The following DHX40 variants were observed in gnomAD, a reference collection of about 807,000 sequenced individuals.
DHX40 encodes the protein probable ATP-dependent RNA helicase DHX40.
In DHX40, 28 loss-of-function variants were observed where a neutral mutation model predicts 89.6. The ratio of observed to expected loss-of-function variants is 0.31; its 90% CI spans 0.23 to 0.43. The LOEUF (loss-of-function observed/expected upper bound fraction) is 0.43, where lower values mean the gene tolerates loss of function less well. Ranked by LOEUF, DHX40 falls within the 20% of genes least tolerant of loss-of-function variation. DHX40 has a pLI of 1.00. For synonymous variants in DHX40, 226 were observed against 283.6 expected (o/e 0.80, Z 2.04); for missense variants, 457 against 844.0 (o/e 0.54, Z 5.68).
At position 59,565,760 on chromosome 17, in the gene DHX40, C is replaced by T. The variant is rs1308890408; in HGVS notation, c.89C>T (p.Ser30Leu). 9 of 1,604,174 alleles carry T rather than the reference C, an allele frequency of 5.6e-6. No homozygotes were observed. Among genetic ancestry groups the T allele is most frequent in the East Asian group, 4.5e-5 (2 of 44,748 alleles). Residue 30 changes from serine to leucine, a missense_variant, in exon 1 of 18, where the codon TCG becomes TTG. By Grantham distance (145) the Ser-to-Leu change is moderately radical. Around this residue, in one of 9 missense-constraint regions of DHX40, gnomAD observed 75 missense variants for 76.8 expected, o/e 0.98. Coordinates refer to ENST00000251241, the MANE Select transcript of DHX40 (RefSeq NM_024612.5). ...RSRDLQEERL[S>L]AVCIADREEK... Reference sequence around the variant, plus strand: ...AGAGACCTCCAGGAAGAGCGGCTCTCGGCTGTTTGCATCGCCGATAGAGGT... The same window carrying T: ...AGAGACCTCCAGGAAGAGCGGCTCTTGGCTGTTTGCATCGCCGATAGAGGT...
Position 59,604,968 on chromosome 17 carries a change from G to A in DHX40, c.1902-147G>A, listed in dbSNP as rs185542643. ...TTTAAGATGAATTGGTAGAGAGCTTGTAGTGACAGTTGAATAAATGTAAAC... is the reference window on the plus strand; with the variant it reads ...TTTAAGATGAATTGGTAGAGAGCTTATAGTGACAGTTGAATAAATGTAAAC... On this transcript the variant is annotated intron_variant, in intron 15 of 17. Coordinates refer to ENST00000251241, the MANE Select transcript of DHX40 (RefSeq NM_024612.5). 1.2e-5 allele frequency: 8 copies of A among 664,624 alleles called. No homozygotes were observed. The Admixed American group carries it at 2.0e-4, about 16-fold the overall frequency. The allele number at this position is 664,624 out of a possible 1,614,324, so 41.2% of individuals were successfully genotyped here.
At chr17:59,594,125 G>A (rs1400698101) in intron 12 of DHX40, among the ~76,000 whole-genome samples, 1 of 152,022 alleles carries the variant, frequency 6.6e-6, no homozygotes, top group Admixed American at 6.6e-5. Context: ...CTTTGGGCAT[G>A]AGAACAATCT....
chr17:59,588,109 G>A (rs1463862641), intron 12 of DHX40, 56 bp downstream of exon 12: 10 of 1,599,106 alleles, frequency 6.3e-6, no homozygotes, highest in African/African-American at 2.7e-5. Context: ...GGCTGGGCAC[G>A]GTGGCTCACG....
chr17:59,599,985 G>A (rs1354323247), intron 14 of DHX40, among the ~76,000 whole-genome samples: 3 of 151,562 alleles, frequency 2.0e-5, no homozygotes, highest in South Asian at 2.1e-4. Flanking sequence ...CACCACACCC[G>A]GCTAATTTTT....
intron 17 of DHX40, among the ~76,000 whole-genome samples, chr17:59,606,662 C>T (rs1223950562): frequency 1.3e-5 from 2 of 151,034 alleles, no homozygotes; most frequent in East Asian, 2.0e-4. Flanking sequence ...AGGAGAATGG[C>T]GTGAACCCAG....
chr17:59,602,158 C>G (rs2030569322), intron 14 of DHX40, among the ~76,000 whole-genome samples: 1 of 152,110 alleles, frequency 6.6e-6, no homozygotes, highest in African/African-American at 2.4e-5. Flanking sequence ...TTCTAGCCAC[C>G]TTGGTCTTCC....
chr17:59,570,466 T>A (rs2048790533), intron 2 of DHX40, 52 bp from the exon 3 acceptor site: 1 of 1,539,110 alleles, frequency 6.5e-7, no homozygotes, highest in Non-Finnish European at 8.8e-7. Context: ...TTAGCTCTAA[T>A]AGGAAGACAA....
chr17:59,590,434 C>G (rs1224321950), intron 12 of DHX40, among the ~76,000 whole-genome samples: 4 of 149,322 alleles, frequency 2.7e-5, no homozygotes, highest in African/African-American at 5.0e-5. Flanking sequence ...TATACTGTTT[C>G]AAATAGTTTG....
rs2030220103 is a variant in DHX40, at chr17:59,598,041, A to G, written c.1583-696A>G. 3.4e-5 allele frequency among the ~76,000 whole-genome samples: 5 copies of G among 149,198 alleles called. No individual in the cohort carries two copies. The South Asian group carries it at 1.1e-3, about 32-fold the overall frequency. ...ATCACCATGCCTGGCTAATTTTTGTATATTTTGTAGAGACAGGATCTTGCT... is the reference window on the plus strand; with the variant it reads ...ATCACCATGCCTGGCTAATTTTTGTGTATTTTGTAGAGACAGGATCTTGCT... On this transcript the variant is annotated intron_variant, in intron 12 of 17. Transcript: ENST00000251241.
chr17:59,596,154 C>G (rs2030044523), intron 12 of DHX40, among the ~76,000 whole-genome samples: 1 of 152,144 alleles, frequency 6.6e-6, no homozygotes, highest in African/African-American at 2.4e-5. Context: ...GTAGGCTTTT[C>G]TCCTGGTATT....
At chr17:59,577,139 G>A in intron 7 of DHX40, 127 bp from the exon 8 acceptor site, 2 of 746,034 alleles carry the variant, frequency 2.7e-6, no homozygotes, top group Non-Finnish European at 4.7e-6. Context: ...AAAGTGCTGG[G>A]ATTACAGGCG....
intron 12 of DHX40, among the ~76,000 whole-genome samples, chr17:59,597,812 G>C: frequency 6.6e-6 from 1 of 151,260 alleles, no homozygotes; most frequent in Non-Finnish European, 1.5e-5. Flanking sequence ...GCGGGCGCCT[G>C]TAGTCCCAGC....
In DHX40 at chr17:59,570,548, C is replaced by T; in HGVS notation, c.311C>T (p.Thr104Ile). The T allele has an allele frequency of 1.2e-6, 2 of 1,606,482 alleles. No homozygotes were observed. The highest frequency in any genetic ancestry group is 1.7e-6 in the Non-Finnish European group (2 of 1,176,524). ...TCACAACATGGTATGATTGGTGTAA[C>T]TCAACCACGAAAAGTAGCTGCTATA... ...GFSQHGMIGV[T>I]QPRKVAAISV... Residue 104 changes from threonine to isoleucine, a missense_variant, in exon 3 of 18, where the codon ACT (threonine) becomes ATT (isoleucine). Transcript: ENST00000251241.
At position 59,607,013 on chromosome 17, in the gene DHX40, T is replaced by C. The variant is rs2030906164; in HGVS notation, c.2201-20T>C. Reference sequence around the variant, plus strand: ...AATCTCAAAGCTAAGTTTTATTGGATTAATTTGTAATGTTTTCAGATGGAA... The same window carrying C: ...AATCTCAAAGCTAAGTTTTATTGGACTAATTTGTAATGTTTTCAGATGGAA... On this transcript the variant is annotated intron_variant, in intron 17 of 17. Coordinates refer to ENST00000251241, the MANE Select transcript of DHX40 (RefSeq NM_024612.5). 2 of 1,602,130 alleles carry C rather than the reference T, an allele frequency of 1.2e-6. No individual in the cohort carries two copies. The highest frequency in any genetic ancestry group is 1.3e-5 in the African/African-American group (1 of 74,246).
chr17:59,597,845 G>A (rs1380668564), intron 12 of DHX40, among the ~76,000 whole-genome samples: 1 of 149,104 alleles, frequency 6.7e-6, no homozygotes, highest in South Asian at 2.2e-4. Context: ...TGAGGCAGGA[G>A]AATGGTGTGA....
intron 14 of DHX40, among the ~76,000 whole-genome samples, chr17:59,599,906 C>T (rs1306703604): frequency 6.7e-6 from 1 of 148,626 alleles, no homozygotes; most frequent in African/African-American, 2.5e-5. Context: ...TCACTGCAAT[C>T]TCCACCTCCC....
At position 59,602,413 on chromosome 17, in the gene DHX40, T is replaced by C. The variant is rs1028143154; in HGVS notation, c.1807-109T>C. On this transcript the variant is annotated intron_variant, in intron 14 of 17. Transcript: ENST00000251241. Reference sequence around the variant, plus strand: ...GAAGGGTAAATCTGGTCTCTCTTAATCTATGTTGGCCAGAAACAGAGGTCT... The same window carrying C: ...GAAGGGTAAATCTGGTCTCTCTTAACCTATGTTGGCCAGAAACAGAGGTCT... 8.2e-6 allele frequency: 8 copies of C among 975,652 alleles called. No homozygotes were observed. The Admixed American group carries it at 2.0e-4, about 24-fold the overall frequency. The allele number at this position is 975,652 out of a possible 1,614,324, so 60.4% of individuals were successfully genotyped here.
rs950940635 is a variant in DHX40, at chr17:59,567,768, T to G, written c.280+974T>G. Among the ~76,000 whole-genome samples, 3 of 144,538 alleles carry G rather than the reference T, an allele frequency of 2.1e-5. No individual in the cohort carries two copies. The Admixed American group carries it at 2.1e-4, about 10-fold the overall frequency. 94.8% of individuals were successfully genotyped at this position (144,538 alleles called of 152,430 possible). On this transcript the variant is annotated intron_variant, in intron 2 of 17. Coordinates refer to ENST00000251241, the MANE Select transcript of DHX40 (RefSeq NM_024612.5). Reference sequence around the variant, plus strand: ...AGTGAAACCCTGTCTCTACTAAAAATAGAAAAAAAAAAAATTCGCCGGGCG... The same window carrying G: ...AGTGAAACCCTGTCTCTACTAAAAAGAGAAAAAAAAAAAATTCGCCGGGCG...
intron 2 of DHX40, among the ~76,000 whole-genome samples, chr17:59,568,528 TATAC>T (rs992683664): frequency 2.0e-5 from 3 of 152,116 alleles, no homozygotes; most frequent in Non-Finnish European, 2.9e-5. Context: ...TGTGTTTTCC[TATAC>T]ATACATACAT....
Sources: allele counts gnomAD v4.1 joint callset (sites outside exome capture counted in the v4.1 genomes callset), GRCh38; gene constraint gnomAD v4.1.1; regional missense constraint gnomAD v4.1.1; transcripts MANE v1.5; gene names NCBI Gene and HGNC (gene_info 2026-07-23, HGNC 2026-07-21).